DPP6: variants seen among roughly 807,000 people sequenced by gnomAD.
DPP6 encodes dipeptidyl peptidase like 6.
DPP6 carries 69 observed loss-of-function variants against 122.6 expected under a neutral mutation model. The ratio of observed to expected loss-of-function variants is 0.56; its 90% CI spans 0.46 to 0.69. The LOEUF is 0.69. Ranked by LOEUF, DPP6 falls within the 30% of genes least tolerant of loss-of-function variation. The pLI is 0.00. For missense variants in DPP6, 928 were observed against 1,116.9 expected, an observed-to-expected ratio of 0.83 and a Z score of 2.41; for synonymous variants, 418 against 433.1, an observed-to-expected ratio of 0.97 and a Z score of 0.43.
intron 3 of DPP6, among the ~76,000 whole-genome samples, chr7:154,504,809 T>G (rs1028110099): frequency 1.3e-5 from 2 of 151,790 alleles, no homozygotes; most frequent in Admixed American, 1.3e-4. Context: ...TTTTTTTTTT[T>G]GCTGTGGAAT....
intron 1 of DPP6, among the ~76,000 whole-genome samples, chr7:153,896,149 C>G: frequency 6.6e-6 from 1 of 152,116 alleles, no homozygotes; most frequent in East Asian, 1.9e-4. Flanking sequence ...GACTAATGCC[C>G]CTATTAAGCC....
chr7:154,824,849 C>A (rs750604916), intron 16 of DPP6, among the ~76,000 whole-genome samples: 3 of 152,132 alleles, frequency 2.0e-5, no homozygotes, highest in Non-Finnish European at 2.9e-5. Flanking sequence ...ATGAGTGAAC[C>A]CCTCTTTGTG....
intron 3 of DPP6, among the ~76,000 whole-genome samples, chr7:154,479,062 C>A (rs955769637): frequency 1.3e-5 from 2 of 152,170 alleles, no homozygotes; most frequent in Non-Finnish European, 2.9e-5. Context: ...CTTTATTTAT[C>A]AGGAGGAAAT....
intron 4 of DPP6, among the ~76,000 whole-genome samples, chr7:154,558,162 A>G (rs945835497): frequency 1.3e-5 from 2 of 151,926 alleles, no homozygotes; most frequent in African/African-American, 2.4e-5. Flanking sequence ...TGTGTTCTCA[A>G]TGTTGAACTC....
intron 1 of DPP6, among the ~76,000 whole-genome samples, chr7:154,088,714 G>A (rs556320831): frequency 5.9e-5 from 9 of 151,358 alleles, no homozygotes; most frequent in African/African-American, 2.2e-4. Context: ...GAGGCACAGT[G>A]ATGACCAGTT....
At chr7:154,009,802 T>G (rs1798077553) in intron 1 of DPP6, among the ~76,000 whole-genome samples, 1 of 150,646 alleles carries the variant, frequency 6.6e-6, no homozygotes, top group African/African-American at 2.5e-5. Flanking sequence ...CATGAAAAGA[T>G]GTAAGGATGT....
rs537247692 is a variant in DPP6 at position 154,682,140 on chromosome 7, T to C, written c.762+12699T>C. On this transcript the variant is annotated intron_variant, in intron 7 of 25. Transcript: ENST00000377770. ...AATTTTTGAGATTTAACAACTTGTC[T>C]GATGGCAAATTAATTCAGCAGTTCA... Among the ~76,000 whole-genome samples the C allele has an allele frequency of 2.0e-5, 3 of 152,368 alleles. No homozygotes were observed. In the South Asian group the frequency reaches 6.2e-4, roughly 32 times the overall value.
intron 1 of DPP6, among the ~76,000 whole-genome samples, chr7:154,137,832 T>C (rs369691857): frequency 1.1e-4 from 16 of 152,210 alleles, no homozygotes; most frequent in African/African-American, 3.1e-4. Flanking sequence ...GGATGGCTGT[T>C]GGTGATTTAC....
chr7:154,843,119 G>C (rs1220937009), intron 16 of DPP6, among the ~76,000 whole-genome samples: 1 of 152,182 alleles, frequency 6.6e-6, no homozygotes, highest in Non-Finnish European at 1.5e-5. Flanking sequence ...ATGATTGTAT[G>C]CTTTCATTTA....
At chr7:154,174,152 A>G (rs77514936) in intron 1 of DPP6, among the ~76,000 whole-genome samples, 3,407 of 152,306 alleles carry the variant, frequency 0.022, 130 homozygotes, top group African/African-American at 0.078. Context: ...GACCTGAGTC[A>G]CACCACTTTG....
In DPP6 at chr7:153,990,873, G is replaced by C. The variant is rs1334285423; in HGVS notation, c.51+103139G>C. 3.3e-5 allele frequency among the ~76,000 whole-genome samples: 5 copies of C among 152,226 alleles called. No individual in the cohort carries two copies. In the East Asian group the frequency reaches 9.6e-4, roughly 29 times the overall value. Reference sequence around the variant, plus strand: ...GAAGAGAACGGCCAGATTTCGTTTTGAGATTTTCTCTTATTTGCTGGAAGT... The same window carrying C: ...GAAGAGAACGGCCAGATTTCGTTTTCAGATTTTCTCTTATTTGCTGGAAGT... On this transcript the variant is annotated intron_variant, in intron 1 of 25. Coordinates refer to the DPP6 transcript ENST00000404039.
rs1000037549 is a variant in DPP6 at position 154,403,979 on chromosome 7, T to C, written c.244-42235T>C. 6.6e-6 allele frequency among the ~76,000 whole-genome samples: 1 copy of C among 152,246 alleles called. No individual in the cohort carries two copies. The highest frequency in any genetic ancestry group is 1.5e-5 in the Non-Finnish European group (1 of 68,036). On this transcript the variant is annotated intron_variant, in intron 1 of 25. Coordinates refer to ENST00000377770, the MANE Select transcript of DPP6 (RefSeq NM_130797.4). This position sits in a 1 kb window ranked among gnomAD's most constrained non-coding sequence, Gnocchi z 4.1. ...GTCTTTTGTTGAAAAAAGTTAATCTTGTTTTCCAAAGGGCCACAGGAGGAT... is the reference window on the plus strand; with the variant it reads ...GTCTTTTGTTGAAAAAAGTTAATCTCGTTTTCCAAAGGGCCACAGGAGGAT...
chr7:154,358,862 T>G lies in DPP6; in HGVS notation c.244-87352T>G, dbSNP rs1048036581. On this transcript the variant is annotated intron_variant, in intron 1 of 25. Transcript: ENST00000377770. ...CTGGGATTACAGGCAGCCACCACCATGCCCGGCTAATTTTTGGGTTTTTAG... is the reference window on the plus strand; with the variant it reads ...CTGGGATTACAGGCAGCCACCACCAGGCCCGGCTAATTTTTGGGTTTTTAG... Among the ~76,000 whole-genome samples, 3 of 152,068 alleles carry G rather than the reference T, an allele frequency of 2.0e-5. No homozygotes were observed. The East Asian group carries it at 5.8e-4, about 29-fold the overall frequency.
At position 154,474,716 on chromosome 7, in the gene DPP6, G is replaced by A. The variant is rs987823286; in HGVS notation, c.359-223G>A. ...TCACTTACATGCTGCAGGTGTGGGTGAGAAGGCGTGATGCCGTTCTACTGA... is the reference window on the plus strand; with the variant it reads ...TCACTTACATGCTGCAGGTGTGGGTAAGAAGGCGTGATGCCGTTCTACTGA... On this transcript the variant is annotated intron_variant, in intron 2 of 25. Transcript: ENST00000377770. 9.2e-5 allele frequency among the ~76,000 whole-genome samples: 14 copies of A among 152,186 alleles called. No homozygotes were observed. In the East Asian group the frequency reaches 2.7e-3, roughly 29 times the overall value.
intron 1 of DPP6, among the ~76,000 whole-genome samples, chr7:154,289,018 T>C (rs1446751403): frequency 1.3e-5 from 2 of 152,216 alleles, no homozygotes; most frequent in Admixed American, 6.5e-5. Context: ...GTGCCCAGAG[T>C]GCAGCCCTGT....
chr7:154,613,653 A>G (rs1457384524), intron 5 of DPP6, among the ~76,000 whole-genome samples: 1 of 132,418 alleles, frequency 7.6e-6, no homozygotes, highest in African/African-American at 2.7e-5. Context: ...AAAAAAAAAA[A>G]GTAGATGAAG....
the DPP6 span, among the ~76,000 whole-genome samples, chr7:153,846,697 T>C: frequency 1.4e-5 from 2 of 141,562 alleles, no homozygotes; most frequent in African/African-American, 2.6e-5. Flanking sequence ...CTTTTTTTTT[T>C]TTTTTTTTTT....
At chr7:154,027,345 G>A (rs1293079368) in intron 1 of DPP6, among the ~76,000 whole-genome samples, 2 of 152,076 alleles carry the variant, frequency 1.3e-5, no homozygotes, top group Non-Finnish European at 2.9e-5. Context: ...TTCAGAGTTT[G>A]CTTATTATAG....
At chr7:154,778,434 C>G (rs1489463927) in intron 10 of DPP6, among the ~76,000 whole-genome samples, 1 of 151,978 alleles carries the variant, frequency 6.6e-6, no homozygotes, top group Admixed American at 6.6e-5. Context: ...CGAAACTCAG[C>G]CTTCTCTCTT....
Sources: gnomAD v4.1 joint callset for allele counts (sites outside exome capture counted in the v4.1 genomes callset) on GRCh38, gnomAD v4.1.1 for gene constraint, Gnocchi (gnomAD v3.1) non-coding constraint, MANE v1.5 for transcripts, NCBI Gene and HGNC (gene_info 2026-07-23, HGNC 2026-07-21) for gene names.